CACNA1B: variants seen among roughly 807,000 people sequenced by gnomAD.
CACNA1B encodes calcium voltage-gated channel subunit alpha1 B.
In CACNA1B, 70 loss-of-function variants were observed where a neutral mutation model predicts 247.2. The observed-to-expected ratio is 0.28, with a 90% CI of 0.23 to 0.35. The LOEUF is 0.35. CACNA1B is among the 10% of genes least tolerant of loss of function. The pLI is 1.00. For missense variants in CACNA1B, 2,367 were observed against 3,197.4 expected (o/e 0.74, Z 6.26); for synonymous variants, 1,231 against 1,294.4 (o/e 0.95, Z 1.05).
intron 31 of CACNA1B, among the ~76,000 whole-genome samples, chr9:138,062,336 C>T (rs1458479227): frequency 6.6e-6 from 1 of 152,178 alleles, no homozygotes. Flanking sequence ...ATCAGGTCTG[C>T]GTTTCCCCCT....
At chr9:137,900,843 G>GTGTCTCTC (rs1957229657) in intron 3 of CACNA1B, among the ~76,000 whole-genome samples, 2 of 147,558 alleles carry the variant, frequency 1.4e-5, no homozygotes, top group African/African-American at 2.5e-5. Flanking sequence ...TCTGTGCTGT[G>GTGTCTCTC]TGTCCCTGTG....
Position 138,059,245 on chromosome 9 carries a change from C to A in CACNA1B, c.4584+56C>A. On this transcript the variant is annotated intron_variant, in intron 30 of 46. Coordinates refer to ENST00000371372, the MANE Select transcript of CACNA1B (RefSeq NM_000718.4). The surrounding 1 kb of genome is among the most constrained non-coding windows in gnomAD (Gnocchi z 4.2). ...GACAACCTATATTCTGGTTCCCCAT[C>A]TGTAGGGCGACCTTTGGGGGCTCAC... 9.9e-7 allele frequency: 1 copy of A among 1,006,264 alleles called. No individual in the cohort carries two copies. Among genetic ancestry groups the A allele is most frequent in the Non-Finnish European group, 1.6e-6 (1 of 640,700 alleles). The allele number at this position is 1,006,264 out of a possible 1,614,324, so 62.3% of individuals were successfully genotyped here.
In CACNA1B at chr9:137,954,242, C is replaced by T. The variant is rs542397740; in HGVS notation, c.1071-1456C>T. Among the ~76,000 whole-genome samples the T allele has an allele frequency of 2.6e-5, 4 of 152,338 alleles. No individual in the cohort carries two copies. Among genetic ancestry groups the T allele is most frequent in the South Asian group, 2.1e-4 (1 of 4,830 alleles). ...CCCCGGGGTGGCAGTGGTGAGAGGC[C>T]GCCTTCCCAGCCTTGCTCTGTGGGA... On this transcript the variant is annotated intron_variant, in intron 7 of 46. Transcript: ENST00000371372. This position sits in a 1 kb window ranked among gnomAD's most constrained non-coding sequence, Gnocchi z 4.1.
intron 6 of CACNA1B, among the ~76,000 whole-genome samples, chr9:137,949,048 GTGGGTGTGAAGTATGTGTGTAGTGT>G (rs1957835396): frequency 7.6e-6 from 1 of 131,352 alleles, no homozygotes; most frequent in South Asian, 2.7e-4. Flanking sequence ...TGGTGTGTGT[GTGGGTGTGAAGTATGTGTGTAGTGT>G]GTGTGGTGTG....
At chr9:138,087,698 A>C (rs928091968) in intron 36 of CACNA1B, among the ~76,000 whole-genome samples, 1 of 127,508 alleles carries the variant, frequency 7.8e-6, no homozygotes, top group African/African-American at 2.9e-5. Flanking sequence ...CTGGTGACAG[A>C]GTGAGACTCC....
chr9:137,923,017 G>A (rs956557280), intron 6 of CACNA1B, among the ~76,000 whole-genome samples: 13 of 152,200 alleles, frequency 8.5e-5, no homozygotes, highest in East Asian at 1.9e-4. Flanking sequence ...AGAATGTTAC[G>A]TGGACAAAAC....
rs1957925028 is a variant in CACNA1B, at chr9:137,954,813, CTGGGAGT to C, written c.1071-884_1071-878del. ...GATTGTTGCACCGGGGCTGTGTGTGCTGGGAGTCATACCTGCCACACCCACTCCACCA... is the reference window on the plus strand; with the variant it reads ...GATTGTTGCACCGGGGCTGTGTGTGCCATACCTGCCACACCCACTCCACCA... On this transcript the variant is annotated intron_variant, in intron 7 of 46. Coordinates refer to ENST00000371372, the MANE Select transcript of CACNA1B (RefSeq NM_000718.4). The surrounding 1 kb of genome is among the most constrained non-coding windows in gnomAD (Gnocchi z 4.1). 1.5e-4 allele frequency among the ~76,000 whole-genome samples: 23 copies of C among 149,654 alleles called. No individual in the cohort carries two copies. Among genetic ancestry groups the C allele is most frequent in the Admixed American group, 1.4e-3 (21 of 15,104 alleles).
chr9:137,885,006 C>T (rs1448534853), intron 3 of CACNA1B, among the ~76,000 whole-genome samples: 1 of 132,150 alleles, frequency 7.6e-6, no homozygotes, highest in East Asian at 2.3e-4. Context: ...TGTCTCCTCT[C>T]CACGCTCTCT....
In CACNA1B at chr9:138,050,154, T is replaced by C. The variant is rs1186294776; in HGVS notation, c.3710+839T>C. The C allele has an allele frequency of 1.7e-6, 2 of 1,155,068 alleles. No individual in the cohort carries two copies. Among genetic ancestry groups the C allele is most frequent in the Non-Finnish European group, 2.3e-6 (2 of 866,016 alleles). 71.6% of individuals were successfully genotyped at this position (1,155,068 alleles called of 1,614,324 possible). A position where few individuals can be genotyped will look rare whatever the true frequency, so the allele number is the denominator to read the frequency against. On this transcript the variant is annotated intron_variant, in intron 24 of 46. Transcript: ENST00000371372. The surrounding 1 kb of genome is among the most constrained non-coding windows in gnomAD (Gnocchi z 5.2). ...CATTCCAGCAGCCCCTCTTGGGTCATTTCATCTCCAGCCTCACCCCCCGCC... is the reference window on the plus strand; with the variant it reads ...CATTCCAGCAGCCCCTCTTGGGTCACTTCATCTCCAGCCTCACCCCCCGCC...
chr9:137,966,980 A>ATTT (rs1958086519), intron 10 of CACNA1B, among the ~76,000 whole-genome samples: 4 of 133,278 alleles, frequency 3.0e-5, no homozygotes, highest in South Asian at 2.8e-4. Flanking sequence ...TTTTTTTTTA[A>ATTT]AAAAAAAACC....
At chr9:138,033,273 G>A (rs1400723225) in intron 20 of CACNA1B, among the ~76,000 whole-genome samples, 1 of 151,974 alleles carries the variant, frequency 6.6e-6, no homozygotes, top group African/African-American at 2.4e-5. Context: ...TTATTTCTTT[G>A]CTGATAATTT....
At position 138,029,393 on chromosome 9, in the gene CACNA1B, C is replaced by G. The variant is rs573874285; in HGVS notation, c.3286+4221C>G. Among the ~76,000 whole-genome samples the G allele has an allele frequency of 4.9e-4, 75 of 152,206 alleles. 1 individual carries two copies. The East Asian group carries it at 8.9e-3, about 18-fold the overall frequency. On this transcript the variant is annotated intron_variant, in intron 20 of 46. Coordinates refer to ENST00000371372, the MANE Select transcript of CACNA1B (RefSeq NM_000718.4). ...GTAGGACAGTTCCTTTGTAATACCC[C>G]TTTTTTTGTATGGATGTTGGTCTGC...
intron 39 of CACNA1B, among the ~76,000 whole-genome samples, chr9:138,107,565 C>T (rs1961474523): frequency 6.6e-6 from 1 of 152,136 alleles, no homozygotes; most frequent in South Asian, 2.1e-4. Flanking sequence ...GGCCACTCCT[C>T]TCCCTTACCC....
chr9:138,059,587 A>G lies in CACNA1B; in HGVS notation c.4585-67A>G, dbSNP rs977556148. 2 of 929,228 alleles carry G rather than the reference A, an allele frequency of 2.2e-6. No homozygotes were observed. The highest frequency in any genetic ancestry group is 1.7e-5 in the Admixed American group (1 of 58,700). 57.6% of individuals were successfully genotyped at this position (929,228 alleles called of 1,614,324 possible). A position where few individuals can be genotyped will look rare whatever the true frequency, so the allele number is the denominator to read the frequency against. ...GCTTTCTTAATCAGGGCCACCACCT[A>G]TATATACCTCTTTGCCAACAGAGCC... On this transcript the variant is annotated intron_variant, in intron 30 of 46. Transcript: ENST00000371372. This position sits in a 1 kb window ranked among gnomAD's most constrained non-coding sequence, Gnocchi z 4.2.
chr9:138,000,688 A>T (rs1043084066), intron 15 of CACNA1B, among the ~76,000 whole-genome samples: 20 of 152,334 alleles, frequency 1.3e-4, no homozygotes, highest in Admixed American at 1.3e-3. Flanking sequence ...ATTTAAGACA[A>T]AATGCAGACC....
chr9:137,952,012 A>G lies in CACNA1B; in HGVS notation c.967-262A>G, dbSNP rs528613239. The stretch of plus-strand genomic sequence containing the variant: ...GCTTGGCTTTTGAGTGTTGCCAGGC[A>G]GTGGCTGGCAGCACTGAGTGTCCCT... On this transcript the variant is annotated intron_variant, in intron 6 of 46. Transcript: ENST00000371372. This position sits in a 1 kb window ranked among gnomAD's most constrained non-coding sequence, Gnocchi z 4.8. 2.6e-5 allele frequency among the ~76,000 whole-genome samples: 4 copies of G among 152,252 alleles called. No homozygotes were observed. The highest frequency in any genetic ancestry group is 4.8e-5 in the African/African-American group (2 of 41,564).
rs200928649 is a variant in CACNA1B at position 138,102,700 on chromosome 9, C to G, written c.5223-11C>G. 6 of 1,591,922 alleles carry G rather than the reference C, an allele frequency of 3.8e-6. No individual in the cohort carries two copies. In the South Asian group the frequency reaches 6.7e-5, roughly 18 times the overall value. On this transcript the variant is annotated splice_polypyrimidine_tract_variant and intron_variant, in intron 37 of 46. Transcript: ENST00000371372. This position sits in a 1 kb window ranked among gnomAD's most constrained non-coding sequence, Gnocchi z 5.4. ...CCACTGTGCCCTGGCCTCGCTGGGACGGGTTTCCAGTGGGCGCATCAGTTA... is the reference window on the plus strand; with the variant it reads ...CCACTGTGCCCTGGCCTCGCTGGGAGGGGTTTCCAGTGGGCGCATCAGTTA...
intron 34 of CACNA1B, among the ~76,000 whole-genome samples, chr9:138,074,517 A>G (rs902780772): frequency 2.0e-5 from 3 of 152,256 alleles, no homozygotes; most frequent in Non-Finnish European, 4.4e-5. Flanking sequence ...CTGGGATTAC[A>G]GGTGTGAGCC....
chr9:138,111,839 G>T (rs1014474336), intron 39 of CACNA1B, among the ~76,000 whole-genome samples: 4 of 152,078 alleles, frequency 2.6e-5, no homozygotes, highest in East Asian at 1.9e-4. Context: ...AGGCCTCCTC[G>T]GGAGACTGAT....
Sources: allele counts gnomAD v4.1 joint callset (sites outside exome capture counted in the v4.1 genomes callset), GRCh38; gene constraint gnomAD v4.1.1; non-coding constraint Gnocchi (gnomAD v3.1); transcripts MANE v1.5; gene names NCBI Gene and HGNC (gene_info 2026-07-23, HGNC 2026-07-21).